WWC1: variants seen among roughly 807,000 people sequenced by gnomAD.
WWC1 encodes protein KIBRA.
A neutral mutation model predicts 138.4 loss-of-function variants in WWC1; 55 were observed. That is an observed-to-expected ratio of 0.40 (90% CI 0.32 to 0.50). The LOEUF is 0.50. WWC1 is among the 20% of genes least tolerant of loss of function. WWC1 has a pLI of 0.72. For synonymous variants in WWC1, 524 were observed against 564.9 expected (o/e 0.93, Z 1.03); for missense variants, 1,226 against 1,420.4 (o/e 0.86, Z 2.20).
chr5:168,355,310 A>G (rs780493312), intron 1 of WWC1, among the ~76,000 whole-genome samples: 5 of 151,996 alleles, frequency 3.3e-5, no homozygotes, highest in Non-Finnish European at 7.4e-5. Flanking sequence ...CAGAGCCAAC[A>G]TGTTGAAACC....
At chr5:168,345,697 G>A (rs1156787205) in intron 1 of WWC1, among the ~76,000 whole-genome samples, 2 of 152,212 alleles carry the variant, frequency 1.3e-5, no homozygotes, top group African/African-American at 4.8e-5. Context: ...TAAGTGGGGA[G>A]CAATATTTGT....
chr5:168,328,029 A>G (rs1772704002), intron 1 of WWC1, among the ~76,000 whole-genome samples: 1 of 152,238 alleles, frequency 6.6e-6, no homozygotes, highest in Admixed American at 6.5e-5. Context: ...GACCAGAAAT[A>G]CCTGCAGAGT....
At chr5:168,338,405 CT>C (rs538925518) in intron 1 of WWC1, among the ~76,000 whole-genome samples, 164 of 141,246 alleles carry the variant, frequency 1.2e-3, no homozygotes, top group Middle Eastern at 3.7e-3. Context: ...ATAGAGTTTC[CT>C]TTTTTTTCTT....
intron 5 of WWC1, among the ~76,000 whole-genome samples, chr5:168,404,839 C>T (rs1779658511): frequency 1.3e-5 from 2 of 151,966 alleles, no homozygotes; most frequent in African/African-American, 4.8e-5. Context: ...AAGCTCACCC[C>T]TGCCTGTCTC....
intron 1 of WWC1, among the ~76,000 whole-genome samples, chr5:168,320,857 C>T (rs2152758226): frequency 6.6e-6 from 1 of 152,108 alleles, no homozygotes; most frequent in African/African-American, 2.4e-5. Context: ...TGTCTGGTTT[C>T]AAGAATGAGT....
intron 1 of WWC1, among the ~76,000 whole-genome samples, chr5:168,324,562 A>G (rs1055165005): frequency 6.6e-6 from 1 of 152,232 alleles, no homozygotes; most frequent in Non-Finnish European, 1.5e-5. Context: ...TTTAAAAGAT[A>G]GTTGACTCTT....
At chr5:168,330,771 G>A (rs1337602066) in intron 1 of WWC1, among the ~76,000 whole-genome samples, 2 of 152,138 alleles carry the variant, frequency 1.3e-5, no homozygotes, top group African/African-American at 4.8e-5. Context: ...CGGGTTTGGG[G>A]GCTACAGGGC....
chr5:168,305,497 G>T (rs1770473238), intron 1 of WWC1, among the ~76,000 whole-genome samples: 2 of 152,182 alleles, frequency 1.3e-5, no homozygotes, highest in Admixed American at 1.3e-4. Flanking sequence ...TTGGTTAATG[G>T]ATAGCTCAGT....
chr5:168,457,352 C>A (rs1194744885), intron 19 of WWC1, among the ~76,000 whole-genome samples: 1 of 152,056 alleles, frequency 6.6e-6, no homozygotes, highest in African/African-American at 2.4e-5. Flanking sequence ...TAGCAGGGAA[C>A]AATTTAACCC....
intron 21 of WWC1, among the ~76,000 whole-genome samples, chr5:168,466,984 G>A (rs899152898): frequency 1.3e-4 from 20 of 152,156 alleles, no homozygotes; most frequent in African/African-American, 3.6e-4. Flanking sequence ...GCTTTAGGCC[G>A]GACGCGGTGG....
intron 3 of WWC1, among the ~76,000 whole-genome samples, chr5:168,389,979 C>T (rs1289382420): frequency 6.6e-6 from 1 of 152,128 alleles, no homozygotes; most frequent in African/African-American, 2.4e-5. Flanking sequence ...GGTACTGTTT[C>T]CTTAGAACAT....
At chr5:168,342,220 A>T (rs1403933223) in intron 1 of WWC1, among the ~76,000 whole-genome samples, 1 of 152,170 alleles carries the variant, frequency 6.6e-6, no homozygotes, top group African/African-American at 2.4e-5. Context: ...TTTATTCTGA[A>T]TTGTTTGGAG....
chr5:168,437,661 G>C (rs532145686), intron 15 of WWC1, among the ~76,000 whole-genome samples: 1 of 152,132 alleles, frequency 6.6e-6, no homozygotes, highest in Non-Finnish European at 1.5e-5. Flanking sequence ...GAATGAATAC[G>C]TAAATGCCCT....
Position 168,397,807 on chromosome 5 carries a change from C to T in WWC1, c.510+7C>T. On this transcript the variant is annotated splice_region_variant and intron_variant, in intron 4 of 22. Coordinates refer to ENST00000265293, the MANE Select transcript of WWC1 (RefSeq NM_015238.3). ...TGCCACTGCAAAATCCCGGGTAGGA[C>T]CTCTTCACCTATGCTATGTGCTAGT... The T allele has an allele frequency of 6.2e-7, 1 of 1,613,968 alleles. No homozygotes were observed. The highest frequency in any genetic ancestry group is 1.1e-5 in the South Asian group (1 of 91,080).
At chr5:168,402,042 T>A (rs770770014) in intron 5 of WWC1, among the ~76,000 whole-genome samples, 3 of 152,198 alleles carry the variant, frequency 2.0e-5, no homozygotes, top group Non-Finnish European at 2.9e-5. Flanking sequence ...CACTTCCCAT[T>A]ATTCTCTGAG....
chr5:168,339,946 TCC>T (rs1253450008), intron 1 of WWC1, among the ~76,000 whole-genome samples: 1 of 129,102 alleles, frequency 7.7e-6, no homozygotes, highest in African/African-American at 3.3e-5. Flanking sequence ...TCTCTCTCTC[TCC>T]CCCTCTCCCT....
chr5:168,365,256 G>A (rs1776195398), intron 1 of WWC1, among the ~76,000 whole-genome samples: 1 of 152,160 alleles, frequency 6.6e-6, no homozygotes, highest in South Asian at 2.1e-4. Flanking sequence ...TTGTGCCTGG[G>A]CTGGGGAGGA....
At chr5:168,403,680 G>A (rs999432083) in intron 5 of WWC1, among the ~76,000 whole-genome samples, 3 of 152,098 alleles carry the variant, frequency 2.0e-5, no homozygotes, top group Admixed American at 6.5e-5. Context: ...CGCCCCTGTC[G>A]GGGGAGGGCA....
intron 8 of WWC1, chr5:168,413,928 A>C (rs10866627): frequency 0.35 from 63,741 of 183,016 alleles, 15,241 homozygotes; most frequent in East Asian, 0.67. Flanking sequence ...ACTATGTGCC[A>C]AGTACTGTGC....
Sources: gnomAD v4.1 joint callset for allele counts (sites outside exome capture counted in the v4.1 genomes callset) on GRCh38, gnomAD v4.1.1 for gene constraint, MANE v1.5 for transcripts, NCBI Gene and HGNC (gene_info 2026-07-23, HGNC 2026-07-21) for gene names.